Variants in NAGK observed in about 807,000 individuals in gnomAD.
NAGK encodes the protein N-acetylglucosamine kinase.
Under a neutral mutation model 42.9 loss-of-function variants are expected in NAGK, and 35 were observed. The observed-to-expected ratio is 0.82, with a 90% confidence interval of 0.62 to 1.08. The LOEUF (loss-of-function observed/expected upper bound fraction) is 1.08. NAGK is among the 50% of genes least tolerant of loss of function. The pLI, the probability that NAGK is intolerant of heterozygous loss-of-function variation, is 0.00. For missense variants in NAGK, 446 were observed against 446.0 expected, an observed-to-expected ratio of 1.00 and a Z score of 0.00; for synonymous variants, 172 against 176.0, an observed-to-expected ratio of 0.98 and a Z score of 0.18.
chr2:71,073,604 C>A lies in NAGK; in HGVS notation c.579+10C>A. ...GTTCCACTATTTCCAGGTACTCCTC[C>A]TGCTCCCAGTAAACATGCGCACCTG... is the stretch of plus-strand genomic sequence containing the variant. On this transcript the variant is annotated intron_variant, in intron 6 of 9. Coordinates refer to ENST00000244204, the MANE Select transcript of NAGK (RefSeq NM_017567.6). 6.3e-7 allele frequency: 1 copy of A among 1,597,150 alleles called. No homozygotes were observed. Among genetic ancestry groups the A allele is most frequent in the Non-Finnish European group, 8.6e-7 (1 of 1,164,466 alleles).
rs544927836 is a variant in NAGK at position 71,070,569 on chromosome 2, C to G, written c.97C>G (p.Leu33Val). 1 of 1,614,002 alleles carries G rather than the reference C, an allele frequency of 6.2e-7. No homozygotes were observed. Among genetic ancestry groups the G allele is most frequent in the East Asian group, 2.2e-5 (1 of 44,878 alleles). The change falls in exon 2 of 10, where the codon CTG (leucine) becomes GTG (valine). Residue 33 changes from leucine (L) to valine (V), a missense_variant. Coordinates refer to ENST00000244204, the MANE Select transcript of NAGK (RefSeq NM_017567.6). ...GAAGATCCTGGCAGAAGCAGATGGA[C>G]TGAGCACAAACCACTGGGTAAAAAC... is the stretch of plus-strand genomic sequence containing the variant. ...DGKILAEADG[L>V]STNHWLIGTD...
Position 71,068,674 on chromosome 2 carries a change from T to C in NAGK, c.-10T>C. The C allele has an allele frequency of 6.6e-7, 1 of 1,519,438 alleles. No homozygotes were observed. Among genetic ancestry groups the C allele is most frequent in the Non-Finnish European group, 8.8e-7 (1 of 1,133,682 alleles). 94.1% of individuals were successfully genotyped at this position (1,519,438 alleles called of 1,614,324 possible). On this transcript the variant is annotated 5_prime_UTR_variant, in exon 1 of 10. Transcript: ENST00000244204. Reference sequence around the variant, plus strand: ...CAAACGGCGGGACCAGCAGCGACGGTAGCAGCAGCATGGCCGCGATCTATG... The same window carrying C: ...CAAACGGCGGGACCAGCAGCGACGGCAGCAGCAGCATGGCCGCGATCTATG...
intron 8 of NAGK, 92 bp from the exon 9 acceptor site, chr2:71,077,466 T>C: frequency 8.1e-7 from 1 of 1,242,138 alleles, no homozygotes; most frequent in Admixed American, 2.0e-5. Flanking sequence ...GGCGAGTAAC[T>C]GGGATAGAGT....
At chr2:71,068,744 C>A in intron 1 of NAGK, 32 bp downstream of exon 1, 1 of 1,447,780 alleles carries the variant, frequency 6.9e-7, no homozygotes, top group African/African-American at 1.5e-5. Context: ...GAGCCTGGGC[C>A]CGAAGGCGGG....
intron 1 of NAGK, chr2:71,069,536 G>A (rs2103689248): frequency 6.6e-6 from 1 of 152,396 alleles, no homozygotes; most frequent in Middle Eastern, 3.4e-3. Flanking sequence ...AGACCCCAAA[G>A]TCTTTTCACA....
chr2:71,073,638 C>T (rs780739394), intron 6 of NAGK, 44 bp downstream of exon 6: 1 of 1,450,164 alleles, frequency 6.9e-7, no homozygotes, highest in African/African-American at 1.4e-5. Flanking sequence ...TGGGGTAGGG[C>T]AGTGAAACAC....
upstream of NAGK, chr2:71,068,380 C>A: frequency 9.5e-7 from 1 of 1,049,716 alleles, no homozygotes. Context: ...AGATACCCCT[C>A]TTTGATTCCT....
At chr2:71,071,102 C>T (rs1047318688) in intron 3 of NAGK, 1 of 473,612 alleles carries the variant, frequency 2.1e-6, no homozygotes, top group Admixed American at 3.3e-5. Context: ...TCTGCGTAAC[C>T]CTGTGTAGGT....
chr2:71,069,810 A>G (rs1298249996), intron 1 of NAGK: 1 of 154,846 alleles, frequency 6.5e-6, no homozygotes, highest in African/African-American at 2.4e-5. Flanking sequence ...AAAGAAACAT[A>G]TATCCCATCA....
chr2:71,068,973 G>T, intron 1 of NAGK: 1 of 1,251,232 alleles, frequency 8.0e-7, no homozygotes, highest in Non-Finnish European at 1.0e-6. Context: ...TTTCTTCCAC[G>T]AAACACCCAC....
At chr2:71,070,477 T>A (rs1220738673) in intron 1 of NAGK, 25 bp from the exon 2 acceptor site, 1 of 1,600,718 alleles carries the variant, frequency 6.2e-7, no homozygotes, top group Non-Finnish European at 8.6e-7. Flanking sequence ...CCGAGCAAGA[T>A]CAAGTGCCCT....
intron 9 of NAGK, 120 bp from the exon 10 acceptor site, chr2:71,078,198 C>T (rs933114574): frequency 3.1e-6 from 3 of 953,710 alleles, no homozygotes; most frequent in East Asian, 2.5e-5. Flanking sequence ...GGCATGTAGG[C>T]CCCTCCAGCA....
rs1425102128 is a variant in NAGK, at chr2:71,070,600, T to G, written c.114+14T>G. Reference sequence around the variant, plus strand: ...ACAAACCACTGGGTAAAAACCACACTGAGGGGATCAGAGGGCTTGGTTCTG... The same window carrying G: ...ACAAACCACTGGGTAAAAACCACACGGAGGGGATCAGAGGGCTTGGTTCTG... On this transcript the variant is annotated intron_variant, in intron 2 of 9. Coordinates refer to ENST00000244204, the MANE Select transcript of NAGK (RefSeq NM_017567.6). The G allele has an allele frequency of 1.9e-6, 3 of 1,611,586 alleles. No homozygotes were observed. The South Asian group carries it at 3.3e-5, about 18-fold the overall frequency.
Position 71,073,444 on chromosome 2 carries a change from A to G in NAGK, c.467-38A>G, listed in dbSNP as rs751590470. On this transcript the variant is annotated intron_variant, in intron 5 of 9. Coordinates refer to ENST00000244204, the MANE Select transcript of NAGK (RefSeq NM_017567.6). ...TTTCCCTCCTCGTGAGCTCAGGATGACTGCTCCCATCTTCTTAGCCCTCTC... is the reference window on the plus strand; with the variant it reads ...TTTCCCTCCTCGTGAGCTCAGGATGGCTGCTCCCATCTTCTTAGCCCTCTC... 4 of 1,425,504 alleles carry G rather than the reference A, an allele frequency of 2.8e-6. No individual in the cohort carries two copies. In the South Asian group the frequency reaches 3.4e-5, roughly 12 times the overall value. The allele number at this position is 1,425,504 out of a possible 1,614,324, so 88.3% of individuals were successfully genotyped here. A position where few individuals can be genotyped will look rare whatever the true frequency, so the allele number is the denominator to read the frequency against.
rs1333953551 is a variant in NAGK at position 71,072,589 on chromosome 2, T to A, written c.356-52T>A. 3 of 1,469,390 alleles carry A rather than the reference T, an allele frequency of 2.0e-6. No individual in the cohort carries two copies. The African/African-American group carries it at 4.2e-5, about 20-fold the overall frequency. The allele number at this position is 1,469,390 out of a possible 1,614,324, so 91.0% of individuals were successfully genotyped here. The stretch of plus-strand genomic sequence containing the variant: ...CCTGTCTTTCCACAGTGGCAAGCTG[T>A]TGCTCTGTGCCAGGCCTCGGCCACA... On this transcript the variant is annotated intron_variant, in intron 4 of 9. Coordinates refer to ENST00000244204, the MANE Select transcript of NAGK (RefSeq NM_017567.6).
chr2:71,068,395 T>C, upstream of NAGK: 7 of 1,129,060 alleles, frequency 6.2e-6, no homozygotes, highest in Non-Finnish European at 8.2e-6. Flanking sequence ...ATTCCTCCTC[T>C]TGGGATTAGT....
chr2:71,070,681 G>A lies in NAGK; in HGVS notation c.115-60G>A, dbSNP rs531660668. The stretch of plus-strand genomic sequence containing the variant: ...GTGGCTGGGACTCACAGAGCAGCCT[G>A]TGGGGGCAACATAGCTTCTGTAAGC... On this transcript the variant is annotated intron_variant, in intron 2 of 9. Transcript: ENST00000244204. 17 of 1,609,926 alleles carry A rather than the reference G, an allele frequency of 1.1e-5. No homozygotes were observed. The African/African-American group carries it at 1.7e-4, about 16-fold the overall frequency.
In NAGK at chr2:71,070,487, T is replaced by C; in HGVS notation, c.30-15T>C. On this transcript the variant is annotated splice_polypyrimidine_tract_variant and intron_variant, in intron 1 of 9. Coordinates refer to ENST00000244204, the MANE Select transcript of NAGK (RefSeq NM_017567.6). ...TTTTTCCGAGCAAGATCAAGTGCCC[T>C]CTTGTGTTCTGTAGGGGAGGCACAC... 1 of 1,610,394 alleles carries C rather than the reference T, an allele frequency of 6.2e-7. No homozygotes were observed. The highest frequency in any genetic ancestry group is 8.5e-7 in the Non-Finnish European group (1 of 1,176,964).
intron 8 of NAGK, among the ~76,000 whole-genome samples, chr2:71,077,277 A>T (rs548936831): frequency 1.3e-5 from 2 of 152,298 alleles, no homozygotes; most frequent in South Asian, 4.1e-4. Flanking sequence ...CCTTTCTTTC[A>T]GTTAATTTCA....
Sources: allele counts gnomAD v4.1 joint callset (sites outside exome capture counted in the v4.1 genomes callset), GRCh38; gene constraint gnomAD v4.1.1; transcripts MANE v1.5; gene names NCBI Gene and HGNC (gene_info 2026-07-23, HGNC 2026-07-21).